The following JADE2 variants were observed in gnomAD, a reference collection of about 807,000 sequenced individuals.
JADE2 encodes E3 ubiquitin-protein ligase Jade-2.
Under a neutral mutation model 85.7 loss-of-function variants are expected in JADE2, and 13 were observed. The observed-to-expected ratio is 0.15, with a 90% CI of 0.10 to 0.24. JADE2 has a LOEUF of 0.24. JADE2 is among the 10% of genes least tolerant of loss of function. The pLI is 1.00. For synonymous variants in JADE2, 440 were observed against 456.1 expected, an observed-to-expected ratio of 0.96 and a Z score of 0.45; for missense variants, 846 against 1,115.9, an observed-to-expected ratio of 0.76 and a Z score of 3.45.
intron 4 of JADE2, among the ~76,000 whole-genome samples, chr5:134,552,695 T>C (rs1296081917): frequency 1.3e-5 from 2 of 152,152 alleles, no homozygotes; most frequent in African/African-American, 2.4e-5. Flanking sequence ...TTGTTAGAAA[T>C]AGGGTCTTAC....
At chr5:134,559,476 C>T (rs1763191600) in intron 4 of JADE2, among the ~76,000 whole-genome samples, 1 of 152,214 alleles carries the variant, frequency 6.6e-6, no homozygotes, top group Non-Finnish European at 1.5e-5. Context: ...AACTGCTGGG[C>T]TTTAGCTAAG....
intron 1 of JADE2, among the ~76,000 whole-genome samples, chr5:134,530,559 G>T (rs897465030): frequency 1.3e-5 from 2 of 152,234 alleles, no homozygotes; most frequent in Admixed American, 1.3e-4. Flanking sequence ...CTGGAAGGGC[G>T]TTAATGGAGG....
intron 5 of JADE2, among the ~76,000 whole-genome samples, chr5:134,560,392 T>C (rs1260299764): frequency 6.6e-6 from 1 of 152,096 alleles, no homozygotes; most frequent in Non-Finnish European, 1.5e-5. Context: ...CTCGACCCTA[T>C]TCAGCCACAC....
intron 3 of JADE2, among the ~76,000 whole-genome samples, chr5:134,539,978 GTAGGGTA>G (rs1412170273): frequency 6.6e-6 from 1 of 152,154 alleles, no homozygotes; most frequent in Admixed American, 6.5e-5. Flanking sequence ...CCCATGGTGG[GTAGGGTA>G]TAGACAGTGT....
chr5:134,553,719 A>G (rs770446965), intron 4 of JADE2, among the ~76,000 whole-genome samples: 1 of 152,240 alleles, frequency 6.6e-6, no homozygotes, highest in African/African-American at 2.4e-5. Flanking sequence ...AGTGCCTGGC[A>G]TACAGCAGAT....
chr5:134,526,417 G>A (rs1293122876), intron 1 of JADE2: 1 of 985,304 alleles, frequency 1.0e-6, no homozygotes, highest in Non-Finnish European at 1.2e-6. Context: ...AGGGGCTGCG[G>A]CGGGAGATGG....
At chr5:134,568,000 G>T (rs753302302) in intron 9 of JADE2, among the ~76,000 whole-genome samples, 3 of 152,208 alleles carry the variant, frequency 2.0e-5, no homozygotes, top group Non-Finnish European at 4.4e-5. Flanking sequence ...GCTGCTTCCA[G>T]AGTCTTCTTT....
At chr5:134,545,784 T>C (rs1465456154) in intron 3 of JADE2, among the ~76,000 whole-genome samples, 3 of 152,224 alleles carry the variant, frequency 2.0e-5, no homozygotes, top group Admixed American at 6.5e-5. Flanking sequence ...TACCTTTCTC[T>C]GTTAGCTGTC....
intron 4 of JADE2, among the ~76,000 whole-genome samples, chr5:134,557,502 G>T (rs1581445680): frequency 8.1e-6 from 1 of 123,482 alleles, no homozygotes; most frequent in Admixed American, 8.6e-5. Context: ...CTAGCATTAG[G>T]TATATCTCCC....
chr5:134,526,269 A>T, intron 1 of JADE2: 1 of 985,350 alleles, frequency 1.0e-6, no homozygotes, highest in Non-Finnish European at 1.2e-6. Context: ...GGCGCATGCA[A>T]CAACAACTTT....
chr5:134,532,563 C>G (rs1761312866), intron 1 of JADE2, among the ~76,000 whole-genome samples: 1 of 152,190 alleles, frequency 6.6e-6, no homozygotes, highest in Admixed American at 6.5e-5. Context: ...ATTTCGGGAG[C>G]ACTTTCTGTC....
At chr5:134,533,481 C>A in intron 1 of JADE2, 1 of 950,120 alleles carries the variant, frequency 1.1e-6, no homozygotes, top group Non-Finnish European at 1.3e-6. Flanking sequence ...GATTTGAACC[C>A]ATCAACAACT....
chr5:134,540,775 G>C lies in JADE2; in HGVS notation c.153+2692G>C, dbSNP rs1270835501. ...GTTGGCTTATCTCCTTGACTCCAGGGGGAACTTAAGCCAGTCTCCTGCCCT... is the reference window on the plus strand; with the variant it reads ...GTTGGCTTATCTCCTTGACTCCAGGCGGAACTTAAGCCAGTCTCCTGCCCT... On this transcript the variant is annotated intron_variant, in intron 3 of 11. Coordinates refer to ENST00000681547, the MANE Select transcript of JADE2 (RefSeq NM_001388185.1). 2.0e-5 allele frequency among the ~76,000 whole-genome samples: 3 copies of C among 152,160 alleles called. No individual in the cohort carries two copies. In the East Asian group the frequency reaches 5.8e-4, roughly 29 times the overall value.
At chr5:134,543,378 A>G (rs1423824445) in intron 3 of JADE2, among the ~76,000 whole-genome samples, 1 of 150,872 alleles carries the variant, frequency 6.6e-6, no homozygotes, top group African/African-American at 2.4e-5. Flanking sequence ...CAGGGTTAAG[A>G]ACAACTGCCA....
intron 3 of JADE2, among the ~76,000 whole-genome samples, chr5:134,551,787 A>T (rs2569341): frequency 0.84 from 127,720 of 152,178 alleles, 53,769 homozygotes; most frequent in East Asian, 0.97. Context: ...TCCACTCCCA[A>T]CTATCCCTCA....
intron 2 of JADE2, among the ~76,000 whole-genome samples, chr5:134,537,198 C>T (rs563161999): frequency 1.3e-5 from 2 of 152,296 alleles, no homozygotes; most frequent in South Asian, 2.1e-4. Flanking sequence ...CCCACCAGCC[C>T]CCTCCACTGT....
At chr5:134,571,474 G>A (rs546557019) in intron 9 of JADE2, among the ~76,000 whole-genome samples, 4 of 152,280 alleles carry the variant, frequency 2.6e-5, no homozygotes, top group South Asian at 4.1e-4. Flanking sequence ...CAAGGTGGGC[G>A]GATCAGGAGG....
intron 3 of JADE2, among the ~76,000 whole-genome samples, chr5:134,548,469 A>G (rs113938300): frequency 2.0e-5 from 3 of 152,204 alleles, no homozygotes; most frequent in Non-Finnish European, 4.4e-5. Context: ...CAGCGTTTAC[A>G]CTGTCACTCT....
At chr5:134,528,895 T>C (rs1761052061) in intron 1 of JADE2, among the ~76,000 whole-genome samples, 1 of 152,182 alleles carries the variant, frequency 6.6e-6, no homozygotes. Context: ...TTTCCCTAAA[T>C]TGCCTGGCTA....
Sources: allele counts gnomAD v4.1 joint callset (sites outside exome capture counted in the v4.1 genomes callset), GRCh38; gene constraint gnomAD v4.1.1; transcripts MANE v1.5; gene names NCBI Gene and HGNC (gene_info 2026-07-23, HGNC 2026-07-21).